Variants in TOLLIP observed in about 807,000 individuals in gnomAD.
The protein encoded by TOLLIP is toll interacting protein.
A neutral mutation model predicts 33.5 loss-of-function variants in TOLLIP; 16 were observed. The observed-to-expected ratio is 0.48, with a 90% CI of 0.32 to 0.72. The LOEUF (loss-of-function observed/expected upper bound fraction) is 0.72. Among genes scored for constraint, TOLLIP ranks in the 30% least tolerant of loss-of-function variants. The pLI is 0.03. For missense variants in TOLLIP, 325 were observed against 396.6 expected, an observed-to-expected ratio of 0.82 and a Z score of 1.53; for synonymous variants, 176 against 163.7, an observed-to-expected ratio of 1.07 and a Z score of -0.57.
rs549623004 is a variant in TOLLIP, at chr11:1,302,042, C to T, written c.34-6248G>A. 1.3e-4 allele frequency among the ~76,000 whole-genome samples: 20 copies of T among 152,358 alleles called. 2 individuals are homozygous for T. In the South Asian group the frequency reaches 3.9e-3, roughly 30 times the overall value. On this transcript the variant is annotated intron_variant, in intron 1 of 5. Transcript: ENST00000317204. ...GCCCAGGTCATCACCAGCCTCCCTG[C>T]TGTGTCTGAGGGGCTGGCCCTGCCT...
At chr11:1,280,939 G>A (rs1276403139) in intron 5 of TOLLIP, among the ~76,000 whole-genome samples, 2 of 152,224 alleles carry the variant, frequency 1.3e-5, no homozygotes, top group Non-Finnish European at 2.9e-5. Context: ...GGTCTCTCAC[G>A]CACGAAGAAC....
intron 5 of TOLLIP, chr11:1,283,200 CCCTG>C (rs1393479995): frequency 9.9e-6 from 2 of 201,052 alleles, no homozygotes; most frequent in Non-Finnish European, 2.1e-5. Context: ...AATGCGGGGG[CCCTG>C]CCAGCAGCCC....
intron 1 of TOLLIP, among the ~76,000 whole-genome samples, chr11:1,306,687 C>T (rs987772372): frequency 6.6e-6 from 1 of 152,054 alleles, no homozygotes; most frequent in African/African-American, 2.4e-5. Context: ...GGTGCCAAGG[C>T]GGGCCCTGCC....
rs1221586030 is a variant in TOLLIP, at chr11:1,309,622, C to G, written c.-124G>C. On this transcript the variant is annotated 5_prime_UTR_variant, in exon 1 of 6. Coordinates refer to ENST00000317204, the MANE Select transcript of TOLLIP (RefSeq NM_019009.4). ...TCGAGGCCGCCGCCGCCACAGTCAGCTGACAGCCGCCGCGCCCCGCCCCCG... is the reference window on the plus strand; with the variant it reads ...TCGAGGCCGCCGCCGCCACAGTCAGGTGACAGCCGCCGCGCCCCGCCCCCG... 1.6e-5 allele frequency: 6 copies of G among 364,962 alleles called. No individual in the cohort carries two copies. The highest frequency in any genetic ancestry group is 2.4e-5 in the Non-Finnish European group (5 of 212,642). The allele number at this position is 364,962 out of a possible 1,614,324, so 22.6% of individuals were successfully genotyped here.
chr11:1,278,064 C>T lies in TOLLIP; in HGVS notation c.611-811G>A, dbSNP rs564149597. ...AATCTATCGAGCAGGAGACGCACGGCGGTTCAGCCACTGCAGCACACACAC... is the reference window on the plus strand; with the variant it reads ...AATCTATCGAGCAGGAGACGCACGGTGGTTCAGCCACTGCAGCACACACAC... On this transcript the variant is annotated intron_variant, in intron 5 of 5. Transcript: ENST00000317204. The surrounding 1 kb of genome is among the most constrained non-coding windows in gnomAD (Gnocchi z 4.7). Among the ~76,000 whole-genome samples, 6 of 152,272 alleles carry T rather than the reference C, an allele frequency of 3.9e-5. No homozygotes were observed. The highest frequency in any genetic ancestry group is 4.1e-4 in the South Asian group (2 of 4,824).
chr11:1,291,456 C>A (rs1289308580), intron 2 of TOLLIP, among the ~76,000 whole-genome samples: 1 of 151,466 alleles, frequency 6.6e-6, no homozygotes, highest in African/African-American at 2.4e-5. Flanking sequence ...CCCCCGACCC[C>A]CTCTGAGGGA....
At position 1,275,915 on chromosome 11, in the gene TOLLIP, G is replaced by A. The variant is rs567589021; in HGVS notation, c.*1124C>T. 28 of 152,296 alleles carry A rather than the reference G, an allele frequency of 1.8e-4. No individual in the cohort carries two copies. Among genetic ancestry groups the A allele is most frequent in the African/African-American group, 6.7e-4 (28 of 41,560 alleles). 9.4% of individuals were successfully genotyped at this position (152,296 alleles called of 1,614,324 possible). A position where few individuals can be genotyped will look rare whatever the true frequency, so the allele number is the denominator to read the frequency against. ...CACCAGACATGCAGGTGTCTCAATGGCATGCAGATTATTTAAAGTGCATCA... is the reference window on the plus strand; with the variant it reads ...CACCAGACATGCAGGTGTCTCAATGACATGCAGATTATTTAAAGTGCATCA... On this transcript the variant is annotated 3_prime_UTR_variant, in exon 6 of 6. Transcript: ENST00000317204.
At chr11:1,291,591 C>T (rs1259864046) in intron 2 of TOLLIP, among the ~76,000 whole-genome samples, 2 of 151,218 alleles carry the variant, frequency 1.3e-5, no homozygotes, top group African/African-American at 4.9e-5. Context: ...GCCACCCTGT[C>T]CTCACTGAAC....
intron 1 of TOLLIP, among the ~76,000 whole-genome samples, 172 bp from the exon 2 acceptor site, chr11:1,295,966 C>T (rs945679860): frequency 6.6e-6 from 1 of 152,082 alleles, no homozygotes; most frequent in African/African-American, 2.4e-5. Context: ...TCAAGGGTGT[C>T]CAGCCTGGGG....
At chr11:1,308,934 G>A (rs1864501808) in intron 1 of TOLLIP, among the ~76,000 whole-genome samples, 1 of 149,276 alleles carries the variant, frequency 6.7e-6, no homozygotes, top group Non-Finnish European at 1.5e-5. Context: ...CCATCAGGGT[G>A]CGGGACCCGC....
In TOLLIP at chr11:1,290,458, G is replaced by C. The variant is rs1305187921; in HGVS notation, c.184-49C>G. The C allele has an allele frequency of 1.3e-6, 2 of 1,582,122 alleles. No homozygotes were observed. The highest frequency in any genetic ancestry group is 1.1e-5 in the South Asian group (1 of 89,650). Reference sequence around the variant, plus strand: ...AAAGGAGGTGCCAACCATCAGGAGAGGGTGGGTTCTCTAGGCCGTCTGCCT... The same window carrying C: ...AAAGGAGGTGCCAACCATCAGGAGACGGTGGGTTCTCTAGGCCGTCTGCCT... On this transcript the variant is annotated intron_variant, in intron 2 of 5. Coordinates refer to ENST00000317204, the MANE Select transcript of TOLLIP (RefSeq NM_019009.4). The surrounding 1 kb of genome is among the most constrained non-coding windows in gnomAD (Gnocchi z 4.9).
intron 1 of TOLLIP, among the ~76,000 whole-genome samples, chr11:1,301,641 C>T (rs1342997262): frequency 5.3e-5 from 8 of 152,166 alleles, no homozygotes; most frequent in Non-Finnish European, 7.4e-5. Context: ...TGAGAACAAG[C>T]GTCAAGGACT....
At chr11:1,287,193 G>C (rs1306273455) in intron 4 of TOLLIP, among the ~76,000 whole-genome samples, 1 of 152,226 alleles carries the variant, frequency 6.6e-6, no homozygotes, top group African/African-American at 2.4e-5. Context: ...TGTCGTCTCT[G>C]AGTTCGAAAC....
At chr11:1,292,124 C>G (rs1863973291) in intron 2 of TOLLIP, 1 of 152,268 alleles carries the variant, frequency 6.6e-6, no homozygotes, top group African/African-American at 2.4e-5. Context: ...CCGGAAGCTC[C>G]TGGGCGACAG....
Position 1,290,171 on chromosome 11 carries a change from C to A in TOLLIP, c.366+56G>T, listed in dbSNP as rs574838985. On this transcript the variant is annotated intron_variant, in intron 3 of 5. Transcript: ENST00000317204. The surrounding 1 kb of genome is among the most constrained non-coding windows in gnomAD (Gnocchi z 4.9). ...GGCTGTGTTGGCAGGTGTGTCCCCA[C>A]GGCAGCCACGCTCAGCCACGTGCAG... The A allele has an allele frequency of 1.9e-6, 3 of 1,565,518 alleles. No homozygotes were observed. The highest frequency in any genetic ancestry group is 2.6e-6 in the Non-Finnish European group (3 of 1,146,880).
At chr11:1,297,759 C>T (rs923841253) in intron 1 of TOLLIP, among the ~76,000 whole-genome samples, 6 of 152,346 alleles carry the variant, frequency 3.9e-5, no homozygotes, top group South Asian at 2.1e-4. Context: ...GGTGCCTGAG[C>T]GGAGTGGGCC....
intron 3 of TOLLIP, 23 bp from the exon 4 acceptor site, chr11:1,288,799 G>T (rs1400964703): frequency 3.1e-6 from 5 of 1,605,742 alleles, no homozygotes; most frequent in Non-Finnish European, 4.3e-6. Context: ...AGAGGGAGAG[G>T]CCCCAGGCAT....
chr11:1,305,400 G>A (rs764463572), intron 1 of TOLLIP, among the ~76,000 whole-genome samples: 8 of 152,128 alleles, frequency 5.3e-5, no homozygotes, highest in Non-Finnish European at 8.8e-5. Flanking sequence ...GAAAATCCAC[G>A]GGCTCTTCAC....
chr11:1,284,024 C>T (rs1306828696), intron 5 of TOLLIP, among the ~76,000 whole-genome samples: 2 of 152,226 alleles, frequency 1.3e-5, no homozygotes, highest in Admixed American at 6.5e-5. Context: ...GGCACTTTGA[C>T]CCCACGACGG....
Sources: gnomAD v4.1 joint callset for allele counts (sites outside exome capture counted in the v4.1 genomes callset) on GRCh38, gnomAD v4.1.1 for gene constraint, Gnocchi (gnomAD v3.1) non-coding constraint, MANE v1.5 for transcripts, NCBI Gene and HGNC (gene_info 2026-07-23, HGNC 2026-07-21) for gene names.